Variants in ABCB6 observed in about 807,000 individuals in gnomAD.
ABCB6 encodes ATP-binding cassette sub-family B member 6.
A neutral mutation model predicts 99.4 loss-of-function variants in ABCB6; 87 were observed. That is an observed-to-expected ratio of 0.88 (90% CI 0.74 to 1.05). ABCB6 has a LOEUF of 1.05. ABCB6 is among the 50% of genes least tolerant of loss of function. The pLI is 0.00. For synonymous variants in ABCB6, 482 were observed against 447.5 expected (o/e 1.08, Z -0.97); for missense variants, 1,050 against 1,097.9 (o/e 0.96, Z 0.62).
rs764204293 is a variant in ABCB6, at chr2:219,210,253, A to G, written c.2397T>C (p.Asp799=). 6.2e-7 allele frequency: 1 copy of G among 1,614,188 alleles called. No homozygotes were observed. Among genetic ancestry groups the G allele is most frequent in the Non-Finnish European group, 8.5e-7 (1 of 1,180,040 alleles). Residue 799 remains aspartate, a synonymous_variant, in exon 18 of 19, where the codon GAT becomes GAC. Coordinates refer to ENST00000265316, the MANE Select transcript of ABCB6 (RefSeq NM_005689.4). The part of the protein sequence containing the change: ...VNADQILVIK[D]GCIVERGRHE... ...ACCGTCCCCTCTCCACGATGCAGCC[A>G]TCCTTGATGACGAGGATCTGGTCAG...
At chr2:219,210,896 C>G (rs755104983) in intron 15 of ABCB6, 38 bp downstream of exon 15, 2 of 1,613,490 alleles carry the variant, frequency 1.2e-6, no homozygotes, top group Non-Finnish European at 1.7e-6. Flanking sequence ...AGGACAACAC[C>G]AGGAGGGGAG....
chr2:219,218,527 G>T lies in ABCB6; in HGVS notation c.147C>A (p.Pro49=). 1.2e-6 allele frequency: 2 copies of T among 1,611,064 alleles called. No homozygotes were observed. Among genetic ancestry groups the T allele is most frequent in the Non-Finnish European group, 1.7e-6 (2 of 1,179,160 alleles). The part of the protein sequence containing the change: ...LGTLALVLAL[P]CRRRERPAGA... ...CAGCGGGCCGCTCCCGGCGTCTGCA[G>T]GGAAGAGCCAGCACCAAGGCCAGAG... The change falls in exon 1 of 19, where the codon CCC becomes CCA. Residue 49 remains proline (P), a synonymous_variant. Coordinates refer to ENST00000265316, the MANE Select transcript of ABCB6 (RefSeq NM_005689.4).
intron 5 of ABCB6, 146 bp downstream of exon 5, chr2:219,215,851 C>A (rs1028329394): frequency 2.7e-5 from 22 of 803,880 alleles, no homozygotes; most frequent in Non-Finnish European, 4.0e-5. Context: ...ATTAGGAGAG[C>A]ATGTATACAA....
In ABCB6 at chr2:219,214,584, C is replaced by T. The variant is rs1950617301; in HGVS notation, c.1277-86G>A. On this transcript the variant is annotated intron_variant, in intron 6 of 18. Transcript: ENST00000265316. ...GTCAATGTCCACTACCTGCCATGTA[C>T]ACACTAAGCCTATGCTCAAGCCCGG... The T allele has an allele frequency of 6.1e-6, 6 of 984,102 alleles. No individual in the cohort carries two copies. The East Asian group carries it at 9.7e-5, about 16-fold the overall frequency. The allele number at this position is 984,102 out of a possible 1,614,324, so 61.0% of individuals were successfully genotyped here. A position where few individuals can be genotyped will look rare whatever the true frequency, so the allele number is the denominator to read the frequency against.
At position 219,217,824 on chromosome 2, in the gene ABCB6, G is replaced by C. The variant is rs761652371; in HGVS notation, c.550-17C>G. The C allele has an allele frequency of 1.2e-6, 2 of 1,608,186 alleles. No individual in the cohort carries two copies. The highest frequency in any genetic ancestry group is 1.7e-6 in the Non-Finnish European group (2 of 1,177,682). On this transcript the variant is annotated splice_polypyrimidine_tract_variant and intron_variant, in intron 1 of 18. Coordinates refer to ENST00000265316, the MANE Select transcript of ABCB6 (RefSeq NM_005689.4). ...AAACTGAACCTAGAATGAAATATAA[G>C]TGGAGAGAGTATCATTGAGGATAAA...
rs1410325374 is a variant in ABCB6 at position 219,210,308 on chromosome 2, C to CA, written c.2352-11dup. On this transcript the variant is annotated splice_polypyrimidine_tract_variant and intron_variant, in intron 17 of 18. Coordinates refer to ENST00000265316, the MANE Select transcript of ABCB6 (RefSeq NM_005689.4). Reference sequence around the variant, plus strand: ...GACCACAGTTGAGAGCCTGAGAAGTCAAAGATCAGTCGCCTACTACCCCAC... The same window carrying CA: ...GACCACAGTTGAGAGCCTGAGAAGTCAAAAGATCAGTCGCCTACTACCCCAC... 1 of 1,614,108 alleles carries CA rather than the reference C, an allele frequency of 6.2e-7. No homozygotes were observed. The highest frequency in any genetic ancestry group is 1.3e-5 in the African/African-American group (1 of 74,936).
At chr2:219,211,306 A>ATGTTT (rs753499211) in intron 14 of ABCB6, among the ~76,000 whole-genome samples, 198 bp from the exon 15 acceptor site, 1 of 151,964 alleles carries the variant, frequency 6.6e-6, no homozygotes, top group Admixed American at 6.6e-5. Context: ...ATTGCTGCAG[A>ATGTTT]TGTTTTGTTT....
intron 5 of ABCB6, chr2:219,215,531 A>G (rs1950628467): frequency 5.9e-6 from 1 of 168,316 alleles, no homozygotes; most frequent in African/African-American, 2.4e-5. Context: ...ACATGATGCT[A>G]GGAGTTCCAG....
Position 219,210,827 on chromosome 2 carries a change from T to C in ABCB6, c.2144-4A>G, listed in dbSNP as rs544412546. 7 of 1,613,878 alleles carry C rather than the reference T, an allele frequency of 4.3e-6. No individual in the cohort carries two copies. The highest frequency in any genetic ancestry group is 4.5e-5 in the East Asian group (2 of 44,880). On this transcript the variant is annotated splice_region_variant and splice_polypyrimidine_tract_variant and intron_variant, in intron 15 of 18. Transcript: ENST00000265316. ...TCGCCCACCTGTGTCCTGTACCCTGTGGATATTACCCACCACACGTTTCTT... is the reference window on the plus strand; with the variant it reads ...TCGCCCACCTGTGTCCTGTACCCTGCGGATATTACCCACCACACGTTTCTT...
chr2:219,217,767 C>G lies in ABCB6; in HGVS notation c.590G>C (p.Gly197Ala). 1 of 1,614,056 alleles carries G rather than the reference C, an allele frequency of 6.2e-7. No homozygotes were observed. The highest frequency in any genetic ancestry group is 8.5e-7 in the Non-Finnish European group (1 of 1,180,008). ...SLWVLRYVVS[G>A]GLFVLGLWAP... Reference sequence around the variant, plus strand: ...CCAGAGACCCAGGACAAACAGCCCTCCAGAGACCACATACCGCAGCACCCA... The same window carrying G: ...CCAGAGACCCAGGACAAACAGCCCTGCAGAGACCACATACCGCAGCACCCA... Residue 197 changes from glycine to alanine, a missense_variant, in exon 2 of 19, where the codon GGA (glycine) becomes GCA (alanine). By Grantham distance (60) the Gly-to-Ala change is moderately conservative (BLOSUM62 0). Transcript: ENST00000265316.
intron 8 of ABCB6, 25 bp from the exon 9 acceptor site, chr2:219,213,976 G>A: frequency 6.2e-7 from 1 of 1,613,838 alleles, no homozygotes; most frequent in Admixed American, 1.7e-5. Context: ...ACAGGAAGAG[G>A]AATGTCCTAT....
Position 219,210,291 on chromosome 2 carries a change from T to C in ABCB6, c.2359A>G (p.Thr787Ala), listed in dbSNP as rs1950559890. ...AGGATCTGGTCAGCATTGACCACAG[T>C]TGAGAGCCTGAGAAGTCAAAGATCA... ...TTIVVAHRLS[T>A]VVNADQILVI... The change falls in exon 18 of 19, where the codon ACT (threonine) becomes GCT (alanine). Residue 787 changes from threonine to alanine, a missense_variant. Physicochemically the swap from Thr to Ala is moderately conservative, Grantham distance 58. Transcript: ENST00000265316. 3 of 1,614,180 alleles carry C rather than the reference T, an allele frequency of 1.9e-6. No individual in the cohort carries two copies. Among genetic ancestry groups the C allele is most frequent in the Admixed American group, 1.7e-5 (1 of 60,020 alleles).
chr2:219,210,473 T>C lies in ABCB6; in HGVS notation c.2259A>G (p.Ala753=), dbSNP rs918837416. The C allele has an allele frequency of 2.5e-6, 4 of 1,613,948 alleles. No individual in the cohort carries two copies. In the African/African-American group the frequency reaches 5.3e-5, roughly 22 times the overall value. Residue 753 remains alanine, a splice_region_variant and synonymous_variant, in exon 17 of 19, where the codon GCA becomes GCG. Coordinates refer to ENST00000265316, the MANE Select transcript of ABCB6 (RefSeq NM_005689.4). ...KAPGIILLDE[A]TSALDTSNER... ...CATTAGATGTATCCAGCGCTGACGT[T>C]GCCTATAGAGAGGGTCCAGGTAAAA...
intron 14 of ABCB6, 147 bp from the exon 15 acceptor site, chr2:219,211,255 A>G: frequency 1.3e-6 from 1 of 790,178 alleles, no homozygotes; most frequent in Non-Finnish European, 2.0e-6. Flanking sequence ...TGGGCAAATC[A>G]CTCCTCTCTG....
In ABCB6 at chr2:219,213,473, T is replaced by C; in HGVS notation, c.1685A>G (p.Glu562Gly). The change falls in exon 11 of 19, where the codon GAG (glutamate) becomes GGG (glycine). Residue 562 changes from glutamate to glycine, a missense_variant. Coordinates refer to ENST00000265316, the MANE Select transcript of ABCB6 (RefSeq NM_005689.4). ...CTCTTTCAGCAAGTCAAACATGTTCTCCATGTCAATGAAGTTGGTCTGGAT... is the reference window on the plus strand; with the variant it reads ...CTCTTTCAGCAAGTCAAACATGTTCCCCATGTCAATGAAGTTGGTCTGGAT... ...RMIQTNFIDM[E>G]NMFDLLKEET... The C allele has an allele frequency of 6.2e-7, 1 of 1,614,188 alleles. No homozygotes were observed. Among genetic ancestry groups the C allele is most frequent in the Non-Finnish European group, 8.5e-7 (1 of 1,180,042 alleles).
chr2:219,213,620 A>G lies in ABCB6; in HGVS notation c.1625T>C (p.Met542Thr), dbSNP rs779831693. Residue 542 changes from methionine (M) to threonine (T), a missense_variant, in exon 10 of 19, where the codon ATG becomes ACG. Coordinates refer to ENST00000265316, the MANE Select transcript of ABCB6 (RefSeq NM_005689.4). ...LFGTYIIQLY[M>T]PLNWFGTYYR... The stretch of plus-strand genomic sequence containing the variant: ...GTAGGTGCCAAACCAATTGAGGGGC[A>G]TGTACAGCTGGATAATGTAGGTGCC... 4.3e-6 allele frequency: 7 copies of G among 1,614,080 alleles called. No homozygotes were observed. The highest frequency in any genetic ancestry group is 2.7e-5 in the African/African-American group (2 of 74,940).
At chr2:219,211,621 C>CTTTT (rs34408255) in intron 14 of ABCB6, among the ~76,000 whole-genome samples, 283 of 87,468 alleles carry the variant, frequency 3.2e-3, no homozygotes, top group Middle Eastern at 8.9e-3. Flanking sequence ...ATCGTTGTAC[C>CTTTT]TTTTTTTTTT....
Position 219,212,464 on chromosome 2 carries a change from T to C in ABCB6, c.1891A>G (p.Thr631Ala), listed in dbSNP as rs1334608535. The C allele has an allele frequency of 1.5e-5, 25 of 1,614,078 alleles. No individual in the cohort carries two copies. Among genetic ancestry groups the C allele is most frequent in the Non-Finnish European group, 1.9e-5 (22 of 1,180,000 alleles). The change falls in exon 14 of 19, where the codon ACA becomes GCA. Residue 631 changes from threonine to alanine, a missense_variant. Thr to Ala is a moderately conservative substitution (Grantham distance 58, BLOSUM62 0). Coordinates refer to ENST00000265316, the MANE Select transcript of ABCB6 (RefSeq NM_005689.4). ...LVGPSGAGKS[T>A]ILRLLFRFYD... ...AAGCGAAACAGCAGGCGCAAAATTG[T>C]GCTCTTCCCTGCCCCAGATGGGCCC...
chr2:219,214,049 A>G, intron 8 of ABCB6, 72 bp downstream of exon 8: 1 of 1,612,708 alleles, frequency 6.2e-7, no homozygotes, highest in South Asian at 1.1e-5. Context: ...ACACTCGACT[A>G]TCACTCTTGG....
Sources: allele counts gnomAD v4.1 joint callset (sites outside exome capture counted in the v4.1 genomes callset), GRCh38; gene constraint gnomAD v4.1.1; transcripts MANE v1.5; gene names NCBI Gene and HGNC (gene_info 2026-07-23, HGNC 2026-07-21).